The following UBR4 variants were observed in gnomAD, a reference collection of about 807,000 sequenced individuals.
UBR4 encodes E3 ubiquitin-protein ligase UBR4.
In UBR4, 124 loss-of-function variants were observed where a neutral mutation model predicts 575.6. The observed-to-expected ratio is 0.22, with a 90% CI of 0.19 to 0.25. The LOEUF (loss-of-function observed/expected upper bound fraction) is 0.25, where lower values mean the gene tolerates loss of function less well. Among genes scored for constraint, UBR4 ranks in the 10% least tolerant of loss-of-function variants. The pLI is 1.00. For missense variants in UBR4, 4,818 were observed against 6,478.8 expected, an observed-to-expected ratio of 0.74 and a Z score of 8.80; for synonymous variants, 2,455 against 2,473.7, an observed-to-expected ratio of 0.99 and a Z score of 0.22.
intron 17 of UBR4, among the ~76,000 whole-genome samples, chr1:19,181,420 G>C (rs1049268622): frequency 1.3e-5 from 2 of 151,836 alleles, no homozygotes; most frequent in African/African-American, 4.8e-5. Flanking sequence ...TCCCCTTCCT[G>C]ACTTTCCTGT....
intron 59 of UBR4, 119 bp downstream of exon 59, chr1:19,138,964 C>T (rs2083508170): frequency 4.7e-6 from 6 of 1,274,852 alleles, no homozygotes; most frequent in Non-Finnish European, 6.1e-6. Context: ...GTCCACAAGA[C>T]TTTCAATGAG....
At chr1:19,123,981 G>A (rs1382272259) in intron 65 of UBR4, among the ~76,000 whole-genome samples, 2 of 152,214 alleles carry the variant, frequency 1.3e-5, no homozygotes, top group Non-Finnish European at 2.9e-5. Context: ...GACACTGGCA[G>A]CAGGAGGAAG....
Position 19,093,004 on chromosome 1 carries a change from C to G in UBR4, c.14112-86G>C. ...TTGTTGACTCTGGCTTGTTTAAACC[C>G]CCAGGGCATGATTAACCGTGACCCT... On this transcript the variant is annotated intron_variant, in intron 96 of 105. Coordinates refer to ENST00000375254, the MANE Select transcript of UBR4 (RefSeq NM_020765.3). This position sits in a 1 kb window ranked among gnomAD's most constrained non-coding sequence, Gnocchi z 4.8. 8.0e-7 allele frequency: 1 copy of G among 1,242,556 alleles called. No individual in the cohort carries two copies. The highest frequency in any genetic ancestry group is 1.1e-6 in the Non-Finnish European group (1 of 870,896). 77.0% of individuals were successfully genotyped at this position (1,242,556 alleles called of 1,614,324 possible).
At position 19,117,156 on chromosome 1, in the gene UBR4, G is replaced by A. The variant is rs574942388; in HGVS notation, c.10823+65C>T. ...GCTGCCTTACTCCATTCCAGGAACC[G>A]AAGGCAGCAACTGAGCTTCAGCCTT... On this transcript the variant is annotated intron_variant, in intron 73 of 105. Coordinates refer to ENST00000375254, the MANE Select transcript of UBR4 (RefSeq NM_020765.3). The surrounding 1 kb of genome is among the most constrained non-coding windows in gnomAD (Gnocchi z 4.0). 1.1e-5 allele frequency: 17 copies of A among 1,562,444 alleles called. No homozygotes were observed. Among genetic ancestry groups the A allele is most frequent in the African/African-American group, 2.7e-5 (2 of 74,184 alleles).
chr1:19,164,828 T>C lies in UBR4; in HGVS notation c.4482A>G (p.Leu1494=). The change falls in exon 32 of 106, where the codon TTA becomes TTG. Residue 1494 remains leucine (L), a synonymous_variant. Transcript: ENST00000375254. Reference sequence around the variant, plus strand: ...TTTCCCGAACAATGTATGTGGTCAGTAACTGCAGCAGCTGCCGGTTCTCCT... The same window carrying C: ...TTTCCCGAACAATGTATGTGGTCAGCAACTGCAGCAGCTGCCGGTTCTCCT... ...VIQENRQLLQ[L]LTTYIVRENS... The C allele has an allele frequency of 1.9e-6, 3 of 1,614,220 alleles. No homozygotes were observed. Among genetic ancestry groups the C allele is most frequent in the Non-Finnish European group, 2.5e-6 (3 of 1,180,036 alleles).
intron 13 of UBR4, 141 bp downstream of exon 13, chr1:19,187,023 T>C (rs1274418572): frequency 4.8e-6 from 3 of 623,042 alleles, no homozygotes; most frequent in Non-Finnish European, 6.4e-6. Context: ...ACCAAAACTT[T>C]GGGTCTATAA....
intron 105 of UBR4, among the ~76,000 whole-genome samples, chr1:19,076,072 G>A (rs975041343): frequency 2.0e-5 from 3 of 152,192 alleles, no homozygotes; most frequent in East Asian, 1.9e-4. Flanking sequence ...TCCCAGGCAC[G>A]GGCCAAGTCA....
At position 19,093,923 on chromosome 1, in the gene UBR4, C is replaced by T; in HGVS notation, c.13937+26G>A. The T allele has an allele frequency of 1.3e-6, 2 of 1,598,904 alleles. No homozygotes were observed. Among genetic ancestry groups the T allele is most frequent in the South Asian group, 1.1e-5 (1 of 89,352 alleles). On this transcript the variant is annotated intron_variant, in intron 95 of 105. Coordinates refer to ENST00000375254, the MANE Select transcript of UBR4 (RefSeq NM_020765.3). The surrounding 1 kb of genome is among the most constrained non-coding windows in gnomAD (Gnocchi z 4.8). ...GGCGTTTTAGTGGAGACTCTCATTTCACTATATGAAATCAAAGTAACATAC... is the reference window on the plus strand; with the variant it reads ...GGCGTTTTAGTGGAGACTCTCATTTTACTATATGAAATCAAAGTAACATAC...
At chr1:19,148,729 A>C in intron 49 of UBR4, 103 bp from the exon 50 acceptor site, 2 of 1,223,840 alleles carry the variant, frequency 1.6e-6, no homozygotes, top group South Asian at 2.5e-5. Context: ...ACAGCTAATG[A>C]ATGCCAAATA....
chr1:19,178,215 T>C (rs764143810), intron 18 of UBR4, among the ~76,000 whole-genome samples: 2 of 152,172 alleles, frequency 1.3e-5, no homozygotes, highest in Admixed American at 6.5e-5. Context: ...TGCATGATAA[T>C]AGTCAAAAAT....
chr1:19,190,310 A>ATATATATATAT (rs1420680603), intron 11 of UBR4, among the ~76,000 whole-genome samples: 3 of 78,030 alleles, frequency 3.8e-5, no homozygotes, highest in Admixed American at 1.4e-4. Flanking sequence ...AAAAAAAAAA[A>ATATATATATAT]AAATATATAT....
At position 19,168,048 on chromosome 1, in the gene UBR4, C is replaced by G; in HGVS notation, c.3878G>C (p.Arg1293Thr). 1 of 1,612,962 alleles carries G rather than the reference C, an allele frequency of 6.2e-7. No homozygotes were observed. Among genetic ancestry groups the G allele is most frequent in the South Asian group, 1.1e-5 (1 of 90,938 alleles). Residue 1293 changes from arginine (R) to threonine (T), a missense_variant, in exon 28 of 106, where the codon AGG becomes ACG. By Grantham distance (71) the Arg-to-Thr change is moderately conservative. Around this residue, in one of 29 missense-constraint regions of UBR4, gnomAD observed 1,172 missense variants for 1,259.7 expected, o/e 0.93. Transcript: ENST00000375254. ...TTACACAATAAGATCTCCAGTCAAC[C>G]TGACCAGTGAGAGGAGGGTATGCTT... Reference protein sequence around the residue: ...SLKHTLLSLVRLTGDLIVWSD... With the variant: ...SLKHTLLSLVTLTGDLIVWSD...
chr1:19,179,149 T>C lies in UBR4; in HGVS notation c.2256A>G (p.Gln752=). The part of the protein sequence containing the change: ...EGPWPLYIHP[Q]SLSVLSRLLL... ...GGAGGCGTGAAAGCACAGAGAGGCT[T>C]TGAGGGTGAATGTACAAGGGCCAAG... Residue 752 remains glutamine, a synonymous_variant, in exon 18 of 106, where the codon CAA becomes CAG. Coordinates refer to ENST00000375254, the MANE Select transcript of UBR4 (RefSeq NM_020765.3). The C allele has an allele frequency of 1.2e-6, 2 of 1,613,588 alleles. No individual in the cohort carries two copies. Among genetic ancestry groups the C allele is most frequent in the Non-Finnish European group, 1.7e-6 (2 of 1,179,872 alleles).
intron 20 of UBR4, among the ~76,000 whole-genome samples, chr1:19,175,931 CCA>C (rs1412107779): frequency 6.6e-6 from 1 of 151,974 alleles, no homozygotes; most frequent in African/African-American, 2.4e-5. Flanking sequence ...GTAGCTGGCA[CCA>C]CAGGCACGTG....
At chr1:19,179,260 T>A in intron 17 of UBR4, 40 bp from the exon 18 acceptor site, 2 of 1,498,208 alleles carry the variant, frequency 1.3e-6, no homozygotes, top group Non-Finnish European at 1.8e-6. Flanking sequence ...AGCAAACAGA[T>A]ACGGGATAAA....
chr1:19,125,903 A>T (rs552590398), intron 64 of UBR4, among the ~76,000 whole-genome samples: 1 of 152,202 alleles, frequency 6.6e-6, no homozygotes, highest in Non-Finnish European at 1.5e-5. Context: ...AGGGCACCTC[A>T]TTCAATGCTC....
At chr1:19,084,964 T>C (rs2076866868) in intron 101 of UBR4, among the ~76,000 whole-genome samples, 1 of 152,220 alleles carries the variant, frequency 6.6e-6, no homozygotes, top group Non-Finnish European at 1.5e-5. Flanking sequence ...CATTTCTTAA[T>C]GAACTAATGT....
chr1:19,142,695 T>C (rs914655506), intron 55 of UBR4, among the ~76,000 whole-genome samples: 4 of 152,214 alleles, frequency 2.6e-5, no homozygotes, highest in Non-Finnish European at 5.9e-5. Context: ...CCCAAAATGG[T>C]ACCAAAACAG....
rs1571485758 is a variant in UBR4 at position 19,176,668 on chromosome 1, G to A, written c.2697C>T (p.Asn899=). 8 of 1,614,104 alleles carry A rather than the reference G, an allele frequency of 5.0e-6. No homozygotes were observed. Among genetic ancestry groups the A allele is most frequent in the Non-Finnish European group, 6.8e-6 (8 of 1,180,010 alleles). Residue 899 remains asparagine, a synonymous_variant, in exon 20 of 106, where the codon AAC becomes AAT. Coordinates refer to ENST00000375254, the MANE Select transcript of UBR4 (RefSeq NM_020765.3). ...FGWASGSQDS[N]SRRATTPLYH... ...AGAGAGGAGTGGTTGCCCGGCGGCT[G>A]TTGCTGTCCTGGGATCCACTTGCCC...
Sources: gnomAD v4.1 joint callset for allele counts (sites outside exome capture counted in the v4.1 genomes callset) on GRCh38, gnomAD v4.1.1 for gene constraint, gnomAD v4.1.1 regional missense constraint, Gnocchi (gnomAD v3.1) non-coding constraint, MANE v1.5 for transcripts, NCBI Gene and HGNC (gene_info 2026-07-23, HGNC 2026-07-21) for gene names.